Variants in CSMD1 observed in about 807,000 individuals in gnomAD.
CSMD1 encodes CUB and sushi domain-containing protein 1.
A neutral mutation model predicts 417.5 loss-of-function variants in CSMD1; 213 were observed. The ratio of observed to expected loss-of-function variants is 0.51; its 90% confidence interval spans 0.46 to 0.57. The LOEUF (loss-of-function observed/expected upper bound fraction) is 0.57, where lower values mean the gene tolerates loss of function less well. Ranked by LOEUF, CSMD1 falls within the 20% of genes least tolerant of loss-of-function variation. The pLI, the probability that CSMD1 is intolerant of heterozygous loss-of-function variation, is 0.00. For missense variants in CSMD1, 6,923 were observed against 4,529.7 expected (o/e 1.53, Z -15.17); for synonymous variants, 2,862 against 1,736.8 (o/e 1.65, Z -16.11).
intron 4 of CSMD1, among the ~76,000 whole-genome samples, chr8:4,018,965 G>A (rs753829861): frequency 9.2e-5 from 14 of 152,186 alleles, no homozygotes; most frequent in Admixed American, 6.5e-5. Flanking sequence ...CTGACATTTT[G>A]TGATTGCTTT....
chr8:3,708,442 G>C lies in CSMD1; in HGVS notation c.981C>G (p.Ser327Arg), dbSNP rs1801303978. Residue 327 changes from serine to arginine, a missense_variant, in exon 7 of 70, where the codon AGC becomes AGG. Ser to Arg is a moderately radical substitution (Grantham distance 110). Transcript: ENST00000635120. ...CAGAGTTTTTATGGCTTCCATCCTT[G>C]CTGGGCAGCATCTTGACTCCTCTTG... Reference protein sequence around the residue: ...LKSRGVKMLPSKDGSHKNSVL... With the variant: ...LKSRGVKMLPRKDGSHKNSVL... 6.2e-7 allele frequency: 1 copy of C among 1,613,928 alleles called. No individual in the cohort carries two copies.
chr8:4,397,340 C>G (rs1804309579), intron 3 of CSMD1, among the ~76,000 whole-genome samples: 2 of 152,172 alleles, frequency 1.3e-5, no homozygotes, highest in South Asian at 2.1e-4. Flanking sequence ...TGAAGATTAT[C>G]TTTCCATGAA....
intron 2 of CSMD1, among the ~76,000 whole-genome samples, chr8:4,441,197 C>G (rs1250865910): frequency 1.5e-5 from 2 of 130,880 alleles, no homozygotes; most frequent in Non-Finnish European, 3.1e-5. Flanking sequence ...CTCCTGGGAT[C>G]AAGCAATCCT....
At chr8:3,699,248 C>T (rs565522372) in intron 7 of CSMD1, among the ~76,000 whole-genome samples, 13 of 152,354 alleles carry the variant, frequency 8.5e-5, no homozygotes, top group South Asian at 2.1e-4. Flanking sequence ...TTACCAGCTG[C>T]TATCACCTTG....
At chr8:3,951,262 G>A (rs771469551) in intron 5 of CSMD1, among the ~76,000 whole-genome samples, 3 of 152,122 alleles carry the variant, frequency 2.0e-5, no homozygotes, top group South Asian at 2.1e-4. Flanking sequence ...AGGCCAGAGT[G>A]GATTTCCTCC....
chr8:4,876,303 A>G (rs1367417988), intron 1 of CSMD1, among the ~76,000 whole-genome samples: 3 of 152,000 alleles, frequency 2.0e-5, no homozygotes, highest in African/African-American at 7.3e-5. Flanking sequence ...TTTAAAGGAG[A>G]GTGGTATTCA....
At position 3,000,055 on chromosome 8, in the gene CSMD1, C is replaced by G. The variant is rs547513645; in HGVS notation, c.8106G>C (p.Val2702=). 3 of 1,604,200 alleles carry G rather than the reference C, an allele frequency of 1.9e-6. No homozygotes were observed. Among genetic ancestry groups the G allele is most frequent in the Non-Finnish European group, 2.5e-6 (3 of 1,177,844 alleles). Residue 2702 remains valine (V), a synonymous_variant, in exon 53 of 70, where the codon GTG becomes GTC. Transcript: ENST00000635120. ...SGDGFSYRDT[V]VYQCNPGFRL... is the part of the protein sequence containing the mutation. The stretch of plus-strand genomic sequence containing the variant: ...GGAAACCAGGATTGCACTGGTAAAC[C>G]ACCGTGTCTCTGTAACTGAAGCCAT...
intron 1 of CSMD1, among the ~76,000 whole-genome samples, chr8:4,700,230 CA>C (rs1204406436): frequency 1.3e-5 from 2 of 151,988 alleles, no homozygotes; most frequent in Non-Finnish European, 2.9e-5. Flanking sequence ...GCAAAGGAAT[CA>C]AAGAAAGAAC....
chr8:3,628,644 G>A (rs1028331492), intron 7 of CSMD1, among the ~76,000 whole-genome samples: 3 of 152,062 alleles, frequency 2.0e-5, no homozygotes, highest in Admixed American at 6.5e-5. Context: ...TCCCGCAGAG[G>A]GGAGGGCATG....
chr8:4,560,186 C>T (rs1355149858), intron 2 of CSMD1, among the ~76,000 whole-genome samples: 1 of 152,188 alleles, frequency 6.6e-6, no homozygotes, highest in Non-Finnish European at 1.5e-5. Context: ...TTTCTCAGTT[C>T]CATGCTGCAA....
intron 1 of CSMD1, among the ~76,000 whole-genome samples, chr8:4,736,302 G>C (rs766653019): frequency 6.6e-6 from 1 of 152,104 alleles, no homozygotes; most frequent in Non-Finnish European, 1.5e-5. Context: ...GTGTATCCAG[G>C]AAAATTTAGG....
chr8:3,918,722 TGCA>T (rs1266022714), intron 5 of CSMD1, among the ~76,000 whole-genome samples: 6 of 152,130 alleles, frequency 3.9e-5, no homozygotes, highest in Non-Finnish European at 7.4e-5. Flanking sequence ...TAATGGCATT[TGCA>T]GCAACCTGGA....
intron 2 of CSMD1, among the ~76,000 whole-genome samples, chr8:4,445,170 T>C (rs1225654866): frequency 6.6e-6 from 1 of 152,206 alleles, no homozygotes; most frequent in African/African-American, 2.4e-5. Flanking sequence ...TAGAAGAATC[T>C]GACACCTTTT....
intron 1 of CSMD1, among the ~76,000 whole-genome samples, chr8:4,848,755 G>C (rs1273097534): frequency 6.6e-6 from 1 of 152,136 alleles, no homozygotes; most frequent in East Asian, 1.9e-4. Context: ...TGCTGGCCAG[G>C]CTAGTCTCAG....
intron 54 of CSMD1, among the ~76,000 whole-genome samples, chr8:2,990,889 G>A (rs1181645192): frequency 6.6e-6 from 1 of 152,226 alleles, no homozygotes; most frequent in Non-Finnish European, 1.5e-5. Context: ...TTATTGGTCA[G>A]AGGCATCATC....
At chr8:4,704,976 G>T (rs947936377) in intron 1 of CSMD1, among the ~76,000 whole-genome samples, 1 of 152,150 alleles carries the variant, frequency 6.6e-6, no homozygotes. Flanking sequence ...ACTTCCAATT[G>T]TAATCCCTAC....
At chr8:3,193,698 A>C (rs1796549461) in intron 33 of CSMD1, among the ~76,000 whole-genome samples, 1 of 152,216 alleles carries the variant, frequency 6.6e-6, no homozygotes, top group South Asian at 2.1e-4. Flanking sequence ...AGGGTGATCA[A>C]CAAAATGATT....
intron 20 of CSMD1, among the ~76,000 whole-genome samples, chr8:3,362,828 T>C (rs1809286771): frequency 6.6e-6 from 1 of 152,156 alleles, no homozygotes; most frequent in Admixed American, 6.5e-5. Context: ...AGCTCTAACC[T>C]TGCATCCTTC....
intron 50 of CSMD1, among the ~76,000 whole-genome samples, chr8:3,041,027 T>G (rs1220617808): frequency 6.6e-6 from 1 of 152,176 alleles, no homozygotes; most frequent in African/African-American, 2.4e-5. Flanking sequence ...TTTCTTCATA[T>G]CGGTAAATAA....
Sources: gnomAD v4.1 joint callset for allele counts (sites outside exome capture counted in the v4.1 genomes callset) on GRCh38, gnomAD v4.1.1 for gene constraint, MANE v1.5 for transcripts, NCBI Gene and HGNC (gene_info 2026-07-23, HGNC 2026-07-21) for gene names.